Variants in PTGER3 observed in about 807,000 individuals in gnomAD.
The protein encoded by PTGER3 is prostaglandin E receptor 3.
A neutral mutation model predicts 34.7 loss-of-function variants in PTGER3; 22 were observed. The observed-to-expected ratio is 0.63, with a 90% CI of 0.45 to 0.91. The LOEUF (loss-of-function observed/expected upper bound fraction) is 0.91. PTGER3 is among the 40% of genes least tolerant of loss of function. The pLI, the probability that PTGER3 is intolerant of heterozygous loss-of-function variation, is 0.00. For synonymous variants in PTGER3, 241 were observed against 230.1 expected (o/e 1.05, Z -0.43); for missense variants, 468 against 519.4 (o/e 0.90, Z 0.96).
At chr1:71,028,598 G>C (rs571067546) in intron 1 of PTGER3, among the ~76,000 whole-genome samples, 3 of 151,726 alleles carry the variant, frequency 2.0e-5, no homozygotes, top group Non-Finnish European at 4.4e-5. Flanking sequence ...CCCTATTGTC[G>C]CCGAAATTCC....
intron 4 of PTGER3, among the ~76,000 whole-genome samples, chr1:70,926,666 C>G (rs201162836): frequency 8.6e-5 from 13 of 151,996 alleles, no homozygotes; most frequent in South Asian, 4.1e-4. Flanking sequence ...ATTGAATACG[C>G]TTTATTTCCT....
intron 4 of PTGER3, among the ~76,000 whole-genome samples, chr1:70,879,028 G>T (rs1288909756): frequency 1.3e-5 from 2 of 152,048 alleles, no homozygotes; most frequent in Non-Finnish European, 2.9e-5. Context: ...ATCTTTGTTA[G>T]TATTTTTGCC....
chr1:70,908,553 A>C (rs1042306092), intron 4 of PTGER3, among the ~76,000 whole-genome samples: 4 of 152,046 alleles, frequency 2.6e-5, no homozygotes, highest in Non-Finnish European at 5.9e-5. Context: ...ATTATTGGCT[A>C]TTTTCCCTTC....
At chr1:70,951,462 C>G (rs768320424), downstream of PTGER3, 1 of 152,072 alleles carries the variant, frequency 6.6e-6, no homozygotes, top group Non-Finnish European at 1.5e-5. Context: ...TTCTTCTGTT[C>G]CCTGTATTTC....
rs188878320 is a variant in PTGER3, at chr1:70,964,546, C to T, written c.1078-10757G>A. 6.6e-5 allele frequency among the ~76,000 whole-genome samples: 10 copies of T among 152,250 alleles called. No homozygotes were observed. In the East Asian group the frequency reaches 1.7e-3, roughly 26 times the overall value. ...GAACTCCCCTTTATAAAACCATCAT[C>T]TCTTGTGAGATGTATTCACTATCAT... On this transcript the variant is annotated intron_variant, in intron 2 of 3. Transcript: ENST00000356595.
intron 1 of PTGER3, among the ~76,000 whole-genome samples, chr1:71,013,624 C>T (rs923420923): frequency 6.6e-5 from 10 of 151,702 alleles, no homozygotes; most frequent in African/African-American, 2.4e-4. Flanking sequence ...ATCCCTTGAA[C>T]CCGGGAGGTG....
chr1:70,857,625 TC>T (rs1221539006), intron 4 of PTGER3, among the ~76,000 whole-genome samples: 1 of 152,030 alleles, frequency 6.6e-6, no homozygotes, highest in Non-Finnish European at 1.5e-5. Flanking sequence ...AAGCTCCGCC[TC>T]CCAGCTTCAC....
At chr1:70,965,675 CACA>C (rs1652442128) in intron 2 of PTGER3, among the ~76,000 whole-genome samples, 2 of 152,256 alleles carry the variant, frequency 1.3e-5, no homozygotes, top group African/African-American at 4.8e-5. Flanking sequence ...CTACCACCAC[CACA>C]ACAAGCAGCA....
chr1:70,953,620 T>A, intron 3 of PTGER3: 1 of 1,220,758 alleles, frequency 8.2e-7, no homozygotes, highest in Non-Finnish European at 1.1e-6. Flanking sequence ...TCTTTGTGAC[T>A]GGGATAGGTT....
At chr1:70,977,664 A>G (rs1653841052) in intron 2 of PTGER3, among the ~76,000 whole-genome samples, 1 of 152,054 alleles carries the variant, frequency 6.6e-6, no homozygotes, top group Non-Finnish European at 1.5e-5. Context: ...TCCTTGTTAC[A>G]GGTCATCCCG....
chr1:71,012,694 T>C (rs375168484), intron 1 of PTGER3, among the ~76,000 whole-genome samples: 4 of 152,184 alleles, frequency 2.6e-5, no homozygotes, highest in African/African-American at 9.7e-5. Flanking sequence ...TTTATCATGA[T>C]GTAGCTTTTA....
At chr1:70,900,775 TATGAAGA>T (rs1646819799) in intron 4 of PTGER3, among the ~76,000 whole-genome samples, 1 of 152,178 alleles carries the variant, frequency 6.6e-6, no homozygotes, top group African/African-American at 2.4e-5. Flanking sequence ...TAGTGTACTC[TATGAAGA>T]ATGTCACACA....
At chr1:70,995,316 G>T (rs1007689071) in intron 2 of PTGER3, among the ~76,000 whole-genome samples, 44 of 152,186 alleles carry the variant, frequency 2.9e-4, no homozygotes, top group Non-Finnish European at 4.8e-4. Flanking sequence ...GGTAGATTGG[G>T]ATTGGTTTAC....
At chr1:70,856,018 C>A (rs1400780405) in intron 4 of PTGER3, among the ~76,000 whole-genome samples, 1 of 151,760 alleles carries the variant, frequency 6.6e-6, no homozygotes, top group Admixed American at 6.6e-5. Flanking sequence ...GGTAATATGG[C>A]CTGGATGTTT....
chr1:70,936,274 C>T lies in PTGER3; in HGVS notation c.*23+17489G>A, dbSNP rs192445873. Among the ~76,000 whole-genome samples the T allele has an allele frequency of 5.3e-3, 800 of 152,212 alleles. 4 individuals carry two copies. The highest frequency in any genetic ancestry group is 8.6e-3 in the Non-Finnish European group (585 of 68,016). ...GCCCTCTAGGTGATTTTAGTGCACA[C>T]TACAGCCATAGCTGCAGAGGTAGAA... On this transcript the variant is annotated intron_variant, in intron 4 of 4. Coordinates refer to the PTGER3 transcript ENST00000370931.
intron 4 of PTGER3, among the ~76,000 whole-genome samples, chr1:70,927,207 A>G (rs847709): frequency 3.9e-5 from 6 of 152,142 alleles, no homozygotes; most frequent in East Asian, 1.9e-4. Flanking sequence ...AAATGAGTTA[A>G]GGAGGATTCC....
chr1:70,854,434 T>A (rs566166050), intron 4 of PTGER3, among the ~76,000 whole-genome samples: 1 of 152,294 alleles, frequency 6.6e-6, no homozygotes, highest in African/African-American at 2.4e-5. Context: ...AAGATGGTGA[T>A]ATGGTTTGGC....
chr1:70,911,821 C>T (rs967186901), intron 4 of PTGER3, among the ~76,000 whole-genome samples: 1 of 151,968 alleles, frequency 6.6e-6, no homozygotes, highest in African/African-American at 2.4e-5. Context: ...ACAAAATGCC[C>T]CAGATGATAA....
At chr1:71,006,142 A>G (rs1483233921) in intron 2 of PTGER3, 8 of 974,910 alleles carry the variant, frequency 8.2e-6, no homozygotes, top group African/African-American at 1.8e-5. Flanking sequence ...TGATTTTTGT[A>G]TACTTTAACA....
Sources: allele counts gnomAD v4.1 joint callset (sites outside exome capture counted in the v4.1 genomes callset), GRCh38; gene constraint gnomAD v4.1.1; transcripts MANE v1.5; gene names NCBI Gene and HGNC (gene_info 2026-07-23, HGNC 2026-07-21).